The following KIF5B variants were observed in gnomAD, a reference collection of about 807,000 sequenced individuals.
KIF5B encodes the protein kinesin-1 heavy chain.
In KIF5B, 49 loss-of-function variants were observed where a neutral mutation model predicts 132.8. The observed-to-expected ratio is 0.37, with a 90% CI of 0.29 to 0.47. KIF5B has a LOEUF of 0.47. Ranked by LOEUF, KIF5B falls within the 20% of genes least tolerant of loss-of-function variation. The pLI is 1.00. For synonymous variants in KIF5B, 355 were observed against 369.4 expected, an observed-to-expected ratio of 0.96 and a Z score of 0.45; for missense variants, 780 against 1,144.0, an observed-to-expected ratio of 0.68 and a Z score of 4.59.
At chr10:32,049,949 T>C (rs1341783455) in intron 1 of KIF5B, among the ~76,000 whole-genome samples, 1 of 152,024 alleles carries the variant, frequency 6.6e-6, no homozygotes, top group Non-Finnish European at 1.5e-5. Flanking sequence ...TTAAGACTTG[T>C]AAGACCTGAG....
intron 16 of KIF5B, 51 bp from the exon 17 acceptor site, chr10:32,022,308 T>C (rs551531026): frequency 5.9e-6 from 5 of 847,452 alleles, no homozygotes; most frequent in African/African-American, 1.7e-5. Context: ...GCATACACTT[T>C]AAGAATATTT....
chr10:32,018,579 A>C lies in KIF5B; in HGVS notation c.2307-17T>G, dbSNP rs564075420. 1.3e-6 allele frequency: 2 copies of C among 1,567,134 alleles called. No homozygotes were observed. The highest frequency in any genetic ancestry group is 1.7e-6 in the Non-Finnish European group (2 of 1,159,902). On this transcript the variant is annotated splice_polypyrimidine_tract_variant and intron_variant, in intron 20 of 25. Transcript: ENST00000302418. ...TGCATAACCCTAACAGTAGAAGAACAAACATATATTTTCAAATTTTATTCT... is the reference window on the plus strand; with the variant it reads ...TGCATAACCCTAACAGTAGAAGAACCAACATATATTTTCAAATTTTATTCT...
intron 1 of KIF5B, among the ~76,000 whole-genome samples, chr10:32,050,489 GCAAATACGA>G (rs1841679801): frequency 1.3e-5 from 2 of 152,184 alleles, no homozygotes; most frequent in African/African-American, 2.4e-5. Context: ...CATCCATCTT[GCAAATACGA>G]CAAACAGGAT....
In KIF5B at chr10:32,034,791, G is replaced by C; in HGVS notation, c.1010C>G (p.Ala337Gly). ...NTVCVNVELT[A>G]EQWKKKYEKE... ...TTCATACTTCTTTTTCCACTGTTCT[G>C]CAGTTAACTCCACATTGACACAAAC... The change falls in exon 11 of 26, where the codon GCA becomes GGA. Residue 337 changes from alanine (A) to glycine (G), a missense_variant. By Grantham distance (60) the Ala-to-Gly change is moderately conservative (BLOSUM62 0). Coordinates refer to ENST00000302418, the MANE Select transcript of KIF5B (RefSeq NM_004521.3). 2 of 1,604,618 alleles carry C rather than the reference G, an allele frequency of 1.2e-6. No individual in the cohort carries two copies. The highest frequency in any genetic ancestry group is 1.7e-6 in the Non-Finnish European group (2 of 1,175,864).
intron 1 of KIF5B, among the ~76,000 whole-genome samples, chr10:32,048,902 T>A (rs1841650948): frequency 6.6e-6 from 1 of 152,296 alleles, no homozygotes; most frequent in East Asian, 1.9e-4. Context: ...GGGTCTCGGT[T>A]CTGTCACCCA....
intron 1 of KIF5B, among the ~76,000 whole-genome samples, chr10:32,049,022 C>T (rs1841652364): frequency 1.3e-5 from 2 of 152,132 alleles, no homozygotes; most frequent in African/African-American, 4.8e-5. Context: ...GCATGTGCCA[C>T]CATGCTATGT....
intron 15 of KIF5B, 125 bp from the exon 16 acceptor site, chr10:32,023,161 G>C (rs1319532972): frequency 2.1e-6 from 1 of 467,318 alleles, no homozygotes; most frequent in Non-Finnish European, 3.5e-6. Context: ...ACAAAGTCTG[G>C]ATCTTATTTT....
chr10:32,035,481 G>A, intron 10 of KIF5B, 41 bp downstream of exon 10: 1 of 1,546,054 alleles, frequency 6.5e-7, no homozygotes, highest in Non-Finnish European at 8.8e-7. Context: ...TAAACAAAAG[G>A]TCTATCTAAA....
At chr10:32,036,684 G>A (rs963995785) in intron 8 of KIF5B, among the ~76,000 whole-genome samples, 3 of 152,240 alleles carry the variant, frequency 2.0e-5, no homozygotes, top group Admixed American at 6.5e-5. Context: ...TGAAAGATGT[G>A]TGTAAGACTT....
rs1317970218 is a variant in KIF5B at position 32,044,087 on chromosome 10, T to C, written c.215-3630A>G. On this transcript the variant is annotated intron_variant, in intron 2 of 25. Transcript: ENST00000302418. ...CTTTCTCCTTAAATATGTGTATTTA[T>C]TGGTAACTCTGCCACATTCATATCC... Among the ~76,000 whole-genome samples the C allele has an allele frequency of 2.6e-5, 4 of 152,326 alleles. No individual in the cohort carries two copies. The East Asian group carries it at 7.7e-4, about 29-fold the overall frequency.
chr10:32,038,797 C>G lies in KIF5B; in HGVS notation c.423G>C (p.Lys141Asn). 6.7e-7 allele frequency: 1 copy of G among 1,495,776 alleles called. No individual in the cohort carries two copies. The highest frequency in any genetic ancestry group is 9.2e-7 in the Non-Finnish European group (1 of 1,081,718). 92.7% of individuals were successfully genotyped at this position (1,495,776 alleles called of 1,614,324 possible). A position where few individuals can be genotyped will look rare whatever the true frequency, so the allele number is the denominator to read the frequency against. Residue 141 changes from lysine to asparagine, a missense_variant, in exon 5 of 26, where the codon AAG becomes AAC. By Grantham distance (94) the Lys-to-Asn change is moderately conservative. This residue lies in a region of KIF5B where 76 missense variants were observed against 146.4 expected (regional missense o/e 0.52). Transcript: ENST00000302418. ...KVSYFEIYLD[K>N]IRDLLDVSKT... ...ACTTACCATCTAACAGGTCCCTTAT[C>G]TTATCCAAATATATTTCAAAATATG... is the stretch of plus-strand genomic sequence containing the variant.
chr10:32,055,294 T>A (rs1205677030), intron 1 of KIF5B, among the ~76,000 whole-genome samples: 1 of 152,066 alleles, frequency 6.6e-6, no homozygotes, highest in Non-Finnish European at 1.5e-5. Context: ...AAGTTGGAGG[T>A]ATAGATAATA....
chr10:32,045,485 G>A (rs901934853), intron 2 of KIF5B, among the ~76,000 whole-genome samples: 3 of 152,154 alleles, frequency 2.0e-5, no homozygotes, highest in Admixed American at 6.5e-5. Context: ...TGGATAGTAC[G>A]ATAGCAAAAG....
chr10:32,019,329 A>C (rs1228435790), intron 20 of KIF5B, among the ~76,000 whole-genome samples: 1 of 152,206 alleles, frequency 6.6e-6, no homozygotes, highest in Non-Finnish European at 1.5e-5. Context: ...GTTGATTTGC[A>C]AATTGTCTCA....
chr10:32,041,145 C>CAAA (rs35673564), intron 2 of KIF5B, among the ~76,000 whole-genome samples: 4 of 101,736 alleles, frequency 3.9e-5, no homozygotes, highest in African/African-American at 7.4e-5. Flanking sequence ...GACTCTGTCT[C>CAAA]AAAAAAAAAA....
At chr10:32,027,654 T>C (rs981109739) in intron 15 of KIF5B, among the ~76,000 whole-genome samples, 1 of 150,258 alleles carries the variant, frequency 6.7e-6, no homozygotes, top group Non-Finnish European at 1.5e-5. Flanking sequence ...TCACTGTTGC[T>C]CAGGCTGGAG....
chr10:32,017,062 A>G, intron 24 of KIF5B, 81 bp downstream of exon 24: 1 of 1,166,420 alleles, frequency 8.6e-7, no homozygotes, highest in Non-Finnish European at 1.3e-6. Flanking sequence ...ATGACAACAC[A>G]TAAAATTCGG....
chr10:32,021,200 T>A, intron 18 of KIF5B, 26 bp downstream of exon 18: 4 of 1,608,742 alleles, frequency 2.5e-6, no homozygotes, highest in Non-Finnish European at 2.6e-6. Context: ...TAATTAAAGC[T>A]GTTAGAAATG....
At position 32,011,494 on chromosome 10, in the gene KIF5B, G is replaced by A. The variant is rs1008466493; in HGVS notation, c.*43C>T. The A allele has an allele frequency of 6.6e-6, 1 of 152,216 alleles. No homozygotes were observed. The highest frequency in any genetic ancestry group is 1.5e-5 in the Non-Finnish European group (1 of 68,004). The allele number at this position is 152,216 out of a possible 1,614,324, so 9.4% of individuals were successfully genotyped here. On this transcript the variant is annotated 3_prime_UTR_variant, in exon 26 of 26. Transcript: ENST00000302418. ...GACTGCTTGATACCATGTCCTCTTCGTACTTCGATTACTTTTTAACACCTA... is the reference window on the plus strand; with the variant it reads ...GACTGCTTGATACCATGTCCTCTTCATACTTCGATTACTTTTTAACACCTA...
Sources: allele counts gnomAD v4.1 joint callset (sites outside exome capture counted in the v4.1 genomes callset), GRCh38; gene constraint gnomAD v4.1.1; regional missense constraint gnomAD v4.1.1; transcripts MANE v1.5; gene names NCBI Gene and HGNC (gene_info 2026-07-23, HGNC 2026-07-21).